Variants in MDGA2 observed in about 807,000 individuals in gnomAD.
MDGA2 encodes the protein MAM domain containing glycosylphosphatidylinositol anchor 2.
In MDGA2, 40 loss-of-function variants were observed where a neutral mutation model predicts 117.8. That is an observed-to-expected ratio of 0.34 (90% CI 0.26 to 0.44). The LOEUF (loss-of-function observed/expected upper bound fraction) is 0.44. MDGA2 is among the 20% of genes least tolerant of loss of function. MDGA2 has a pLI of 1.00. For missense variants in MDGA2, 1,123 were observed against 1,250.6 expected, an observed-to-expected ratio of 0.90 and a Z score of 1.54; for synonymous variants, 452 against 439.0, an observed-to-expected ratio of 1.03 and a Z score of -0.37.
At chr14:47,645,860 CAGA>C (rs1278528780) in intron 1 of MDGA2, among the ~76,000 whole-genome samples, 2 of 151,532 alleles carry the variant, frequency 1.3e-5, no homozygotes, top group Non-Finnish European at 2.9e-5. Flanking sequence ...ATCACGAGGT[CAGA>C]AGATCGAGAC....
intron 2 of MDGA2, among the ~76,000 whole-genome samples, chr14:47,253,547 G>C (rs1346061105): frequency 6.6e-6 from 1 of 152,242 alleles, no homozygotes; most frequent in Non-Finnish European, 1.5e-5. Context: ...GCTGATGCAA[G>C]AGGTGGGTTC....
chr14:47,205,496 G>A (rs186127939), intron 3 of MDGA2, among the ~76,000 whole-genome samples: 4 of 151,974 alleles, frequency 2.6e-5, no homozygotes, highest in African/African-American at 7.2e-5. Context: ...GTAAATATAT[G>A]TTTATTAGAG....
At chr14:47,259,257 T>C (rs191709707) in intron 2 of MDGA2, among the ~76,000 whole-genome samples, 1 of 152,176 alleles carries the variant, frequency 6.6e-6, no homozygotes, top group Admixed American at 6.5e-5. Context: ...TCATCAAATC[T>C]TTCTGAAGCA....
intron 1 of MDGA2, among the ~76,000 whole-genome samples, chr14:47,311,055 T>C (rs1889618213): frequency 6.6e-6 from 1 of 152,092 alleles, no homozygotes; most frequent in Admixed American, 6.6e-5. Context: ...TCTTATAAAT[T>C]ATCACAGCAC....
At chr14:47,519,123 T>C (rs1158068262) in intron 1 of MDGA2, among the ~76,000 whole-genome samples, 1 of 152,010 alleles carries the variant, frequency 6.6e-6, no homozygotes, top group Non-Finnish European at 1.5e-5. Flanking sequence ...GAGAATCACT[T>C]AGACCCGGGA....
At chr14:47,634,279 TATATC>T (rs1897286444) in intron 1 of MDGA2, among the ~76,000 whole-genome samples, 1 of 152,158 alleles carries the variant, frequency 6.6e-6, no homozygotes, top group Admixed American at 6.5e-5. Flanking sequence ...TAAAATTAGT[TATATC>T]ATAAGCACTT....
chr14:46,897,396 C>T (rs1219506441), intron 10 of MDGA2, among the ~76,000 whole-genome samples: 1 of 152,010 alleles, frequency 6.6e-6, no homozygotes, highest in Non-Finnish European at 1.5e-5. Flanking sequence ...ATGTCTTATA[C>T]AAAGATGTAC....
rs554703274 is a variant in MDGA2, at chr14:47,264,725, G to T, written c.420+36686C>A. ...TGGAATACATATGCAGAATGTGCAGGTTTGTTACATAGGTATACACGTGCC... is the reference window on the plus strand; with the variant it reads ...TGGAATACATATGCAGAATGTGCAGTTTTGTTACATAGGTATACACGTGCC... On this transcript the variant is annotated intron_variant, in intron 2 of 16. Coordinates refer to ENST00000399232, the MANE Select transcript of MDGA2 (RefSeq NM_001113498.3). Among the ~76,000 whole-genome samples, 34 of 151,662 alleles carry T rather than the reference G, an allele frequency of 2.2e-4. No individual in the cohort carries two copies. The South Asian group carries it at 6.5e-3, about 29-fold the overall frequency.
At chr14:46,867,667 AT>A (rs1283881702) in intron 14 of MDGA2, among the ~76,000 whole-genome samples, 2 of 152,166 alleles carry the variant, frequency 1.3e-5, no homozygotes, top group East Asian at 3.9e-4. Flanking sequence ...GAAAACAAAA[AT>A]GTTATTTTAT....
At chr14:46,992,628 C>A (rs1887135317) in intron 8 of MDGA2, among the ~76,000 whole-genome samples, 1 of 152,226 alleles carries the variant, frequency 6.6e-6, no homozygotes, top group Non-Finnish European at 1.5e-5. Context: ...ATAGAATATT[C>A]TATCATTCAG....
At chr14:47,541,182 A>G (rs1002552899) in intron 1 of MDGA2, among the ~76,000 whole-genome samples, 7 of 152,214 alleles carry the variant, frequency 4.6e-5, no homozygotes, top group Non-Finnish European at 7.3e-5. Flanking sequence ...TCTCTACTGA[A>G]AATTGTGACC....
chr14:47,183,752 CTA>C (rs1242847995), intron 3 of MDGA2, among the ~76,000 whole-genome samples: 5 of 151,992 alleles, frequency 3.3e-5, no homozygotes, highest in Admixed American at 1.3e-4. Context: ...TTGTTAGAGA[CTA>C]TACCAGTATT....
At chr14:47,072,703 C>T (rs1034284887) in intron 6 of MDGA2, among the ~76,000 whole-genome samples, 4 of 152,120 alleles carry the variant, frequency 2.6e-5, no homozygotes, top group South Asian at 2.1e-4. Context: ...TTTTAACAAC[C>T]CCTCTGAGTG....
intron 1 of MDGA2, among the ~76,000 whole-genome samples, chr14:47,463,443 G>T (rs1743067113): frequency 6.6e-6 from 1 of 152,102 alleles, no homozygotes; most frequent in Admixed American, 6.6e-5. Context: ...TAATATGCAA[G>T]ATTACAAATA....
In MDGA2 at chr14:47,107,073, C is replaced by A. The variant is rs1026108267; in HGVS notation, c.926-9950G>T. Among the ~76,000 whole-genome samples, 30 of 132,858 alleles carry A rather than the reference C, an allele frequency of 2.3e-4. 1 individual carries two copies. The highest frequency in any genetic ancestry group is 8.1e-4 in the African/African-American group (27 of 33,326). The allele number at this position is 132,858 out of a possible 152,430, so 87.2% of individuals were successfully genotyped here. ...CACCTCTTCTATCCCCCCACCTTAA[C>A]CCACAAGTATAAGACACCTCTACTC... On this transcript the variant is annotated intron_variant, in intron 5 of 16. Transcript: ENST00000399232.
intron 2 of MDGA2, among the ~76,000 whole-genome samples, chr14:47,288,942 G>A (rs1040158615): frequency 1.3e-5 from 2 of 152,068 alleles, no homozygotes; most frequent in Non-Finnish European, 2.9e-5. Context: ...TGGCTGTGAT[G>A]AGCGTAATTT....
chr14:47,503,061 G>A lies in MDGA2; in HGVS notation c.280+171456C>T, dbSNP rs575960993. On this transcript the variant is annotated intron_variant, in intron 1 of 16. Coordinates refer to ENST00000399232, the MANE Select transcript of MDGA2 (RefSeq NM_001113498.3). ...TTAAACACACATACACAAATGCCCC[G>A]TTTAACATTTAAAAATTCAAATTCA... Among the ~76,000 whole-genome samples, 11 of 152,210 alleles carry A rather than the reference G, an allele frequency of 7.2e-5. 1 individual carries two copies. The highest frequency in any genetic ancestry group is 6.8e-3 in the Middle Eastern group (2 of 294).
chr14:47,366,407 G>A (rs1891232352), intron 1 of MDGA2, among the ~76,000 whole-genome samples: 1 of 151,842 alleles, frequency 6.6e-6, no homozygotes, highest in African/African-American at 2.4e-5. Context: ...TTTCCTTAGA[G>A]AGTTGATTAT....
At chr14:47,174,760 C>T (rs1292939381) in intron 3 of MDGA2, among the ~76,000 whole-genome samples, 1 of 152,040 alleles carries the variant, frequency 6.6e-6, no homozygotes, top group Non-Finnish European at 1.5e-5. Context: ...AGAGCAAACA[C>T]ATTCAAAAGC....
Sources: allele counts gnomAD v4.1 joint callset (sites outside exome capture counted in the v4.1 genomes callset), GRCh38; gene constraint gnomAD v4.1.1; transcripts MANE v1.5; gene names NCBI Gene and HGNC (gene_info 2026-07-23, HGNC 2026-07-21).